The following RANBP2 variants were observed in gnomAD, a reference collection of about 807,000 sequenced individuals.
RANBP2 encodes the protein E3 SUMO-protein ligase RanBP2.
A neutral mutation model predicts 303.6 loss-of-function variants in RANBP2; 57 were observed. The observed-to-expected ratio is 0.19, with a 90% CI of 0.15 to 0.23. RANBP2 has a LOEUF of 0.23. Among genes scored for constraint, RANBP2 ranks in the 10% least tolerant of loss-of-function variants. The probability of loss-of-function intolerance (pLI) is 1.00; values close to 1 mark genes in which losing one functional copy is unlikely to be tolerated. For synonymous variants in RANBP2, 1,167 were observed against 1,301.5 expected, an observed-to-expected ratio of 0.90 and a Z score of 2.23; for missense variants, 3,138 against 3,780.8, an observed-to-expected ratio of 0.83 and a Z score of 4.46.
chr2:109,092,117 G>T, the RANBP2 span, among the ~76,000 whole-genome samples: 6 of 152,146 alleles, frequency 3.9e-5, no homozygotes, highest in Admixed American at 2.0e-4. Context: ...TCTCATTTTT[G>T]TGTGTGTCTG....
At chr2:109,033,223 C>T in the RANBP2 span, among the ~76,000 whole-genome samples, 1 of 152,184 alleles carries the variant, frequency 6.6e-6, no homozygotes, top group African/African-American at 2.4e-5. Context: ...ATTTTGCATT[C>T]AGCCTCGCTC....
At chr2:109,059,346 T>C in the RANBP2 span, among the ~76,000 whole-genome samples, 4,891 of 152,122 alleles carry the variant, frequency 0.032, 249 homozygotes, top group African/African-American at 0.11. Flanking sequence ...GAGGCCAAAG[T>C]GGGCGGATCA....
At chr2:109,194,527 C>T in the RANBP2 span, among the ~76,000 whole-genome samples, 1 of 152,248 alleles carries the variant, frequency 6.6e-6, no homozygotes, top group South Asian at 2.1e-4. Context: ...GGGGCATTTG[C>T]TCCAGCAGCA....
chr2:108,842,207 T>G, the RANBP2 span, among the ~76,000 whole-genome samples: 3 of 152,056 alleles, frequency 2.0e-5, no homozygotes, highest in South Asian at 2.1e-4. Context: ...AAAAAGTTTT[T>G]TTTTTTTTTT....
intron 19 of RANBP2, among the ~76,000 whole-genome samples, chr2:108,762,914 A>G (rs557910859): frequency 6.6e-6 from 1 of 152,262 alleles, no homozygotes; most frequent in Admixed American, 6.5e-5. Context: ...CATAATTTTC[A>G]TTATATGCCA....
chr2:109,394,048 T>G, the RANBP2 span, among the ~76,000 whole-genome samples: 1 of 152,198 alleles, frequency 6.6e-6, no homozygotes, highest in African/African-American at 2.4e-5. Flanking sequence ...TCTTCTCTAT[T>G]CAACCCAGCC....
At chr2:108,913,949 C>CA in the RANBP2 span, among the ~76,000 whole-genome samples, 5,221 of 109,096 alleles carry the variant, frequency 0.048, 462 homozygotes, top group African/African-American at 0.18. Flanking sequence ...GATTCCGTCT[C>CA]AAAAAAAAAA....
the RANBP2 span, among the ~76,000 whole-genome samples, chr2:108,927,781 C>T: frequency 1.3e-3 from 205 of 152,276 alleles, no homozygotes; most frequent in African/African-American, 4.5e-3. Flanking sequence ...ATTCCACACA[C>T]ACAACCTCTA....
chr2:109,668,263 C>T, the RANBP2 span, among the ~76,000 whole-genome samples: 1 of 152,158 alleles, frequency 6.6e-6, no homozygotes, highest in East Asian at 1.9e-4. Context: ...TTCTGCCTGC[C>T]TCAGTTTAAT....
At chr2:109,249,509 CATTCTTTCTTTTTCTTTCTTTCT>C in the RANBP2 span, among the ~76,000 whole-genome samples, 13 of 66,390 alleles carry the variant, frequency 2.0e-4, no homozygotes, top group African/African-American at 6.2e-4. Flanking sequence ...TTCTTTCTTT[CATTCTTTCTTTTTCTTTCTTTCT>C]TTCCTTCCTT....
At chr2:108,950,339 T>G in the RANBP2 span, among the ~76,000 whole-genome samples, 596 of 151,882 alleles carry the variant, frequency 3.9e-3, 1 homozygote, top group African/African-American at 0.014. Context: ...CAGCATCAAA[T>G]TTTTGGGCTC....
chr2:108,788,067 G>A, downstream of RANBP2: 7 of 1,597,692 alleles, frequency 4.4e-6, no homozygotes, highest in Non-Finnish European at 6.0e-6. Context: ...CTAAGTATAA[G>A]AGAAGAACTC....
chr2:109,492,423 G>A, the RANBP2 span, among the ~76,000 whole-genome samples: 2 of 152,090 alleles, frequency 1.3e-5, no homozygotes, highest in African/African-American at 2.4e-5. Flanking sequence ...AACGGAAGTC[G>A]CATGTACACC....
At chr2:109,153,064 C>G in the RANBP2 span, among the ~76,000 whole-genome samples, 1 of 152,118 alleles carries the variant, frequency 6.6e-6, no homozygotes, top group Non-Finnish European at 1.5e-5. Context: ...GGACCATCTG[C>G]AAAGACAAGA....
Position 108,764,535 on chromosome 2 carries a change from G to T in RANBP2, c.3996G>T (p.Lys1332Asn). Residue 1332 changes from lysine to asparagine, a missense_variant, in exon 20 of 29, where the codon AAG (lysine) becomes AAT (asparagine). Coordinates refer to ENST00000283195, the MANE Select transcript of RANBP2 (RefSeq NM_006267.5). Reference protein sequence around the residue: ...IVKEPTSHDNKDICKSDAGNL... With the variant: ...IVKEPTSHDNNDICKSDAGNL... The stretch of plus-strand genomic sequence containing the variant: ...AAGAACCCACAAGTCATGATAACAA[G>T]GATATTTGCAAATCTGATGCTGGAA... 6.2e-7 allele frequency: 1 copy of T among 1,613,834 alleles called. No individual in the cohort carries two copies. The highest frequency in any genetic ancestry group is 8.5e-7 in the Non-Finnish European group (1 of 1,179,944).
chr2:109,158,449 CTGAGGGCAGGTTCAGT>C, the RANBP2 span, among the ~76,000 whole-genome samples: 9 of 152,298 alleles, frequency 5.9e-5, no homozygotes, highest in Non-Finnish European at 1.0e-4. Flanking sequence ...GCAGGTTCAG[CTGAGGGCAGGTTCAGT>C]CCCCCAAGGC....
chr2:109,111,060 T>G, the RANBP2 span, among the ~76,000 whole-genome samples: 1 of 152,184 alleles, frequency 6.6e-6, no homozygotes, highest in African/African-American at 2.4e-5. Flanking sequence ...TTACTAGCAG[T>G]ACCCTAGCTA....
At chr2:109,255,875 TG>T in the RANBP2 span, among the ~76,000 whole-genome samples, 2 of 152,252 alleles carry the variant, frequency 1.3e-5, no homozygotes, top group East Asian at 3.8e-4. Flanking sequence ...TTTTCCTTTT[TG>T]CCCTTTTCAT....
chr2:109,727,449 C>A, the RANBP2 span, among the ~76,000 whole-genome samples: 1 of 152,198 alleles, frequency 6.6e-6, no homozygotes, highest in African/African-American at 2.4e-5. Flanking sequence ...GCTGGGACTC[C>A]AAGCCGAGTC....
Sources: gnomAD v4.1 joint callset for allele counts (sites outside exome capture counted in the v4.1 genomes callset) on GRCh38, gnomAD v4.1.1 for gene constraint, MANE v1.5 for transcripts, NCBI Gene and HGNC (gene_info 2026-07-23, HGNC 2026-07-21) for gene names.